GALNT1: variants seen among roughly 807,000 people sequenced by gnomAD.
GALNT1 encodes the protein GalNAc transferase 1.
In GALNT1, 17 loss-of-function variants were observed where a neutral mutation model predicts 65.7. The ratio of observed to expected loss-of-function variants is 0.26; its 90% CI spans 0.18 to 0.39. The LOEUF is 0.39. Ranked by LOEUF, GALNT1 falls within the 10% of genes least tolerant of loss-of-function variation. GALNT1 has a pLI of 1.00. For missense variants in GALNT1, 460 were observed against 672.8 expected, an observed-to-expected ratio of 0.68 and a Z score of 3.50; for synonymous variants, 210 against 219.7, an observed-to-expected ratio of 0.96 and a Z score of 0.39.
At chr18:35,675,643 C>T (rs2047701183) in intron 3 of GALNT1, among the ~76,000 whole-genome samples, 1 of 152,200 alleles carries the variant, frequency 6.6e-6, no homozygotes, top group Non-Finnish European at 1.5e-5. Flanking sequence ...ACATGGCTAA[C>T]AGTACCATTT....
intron 1 of GALNT1, among the ~76,000 whole-genome samples, chr18:35,620,811 C>A (rs571955018): frequency 7.3e-5 from 11 of 149,758 alleles, no homozygotes; most frequent in Non-Finnish European, 1.5e-4. Context: ...TATAAACAAT[C>A]CTGCAATCAT....
intron 2 of GALNT1, among the ~76,000 whole-genome samples, chr18:35,658,284 G>GGAGA (rs2047423468): frequency 6.6e-6 from 1 of 152,302 alleles, no homozygotes; most frequent in Non-Finnish European, 1.5e-5. Context: ...ACCAGACAGT[G>GGAGA]GAGAGGCTTT....
intron 9 of GALNT1, among the ~76,000 whole-genome samples, chr18:35,699,197 A>G (rs576207737): frequency 6.6e-6 from 1 of 151,976 alleles, no homozygotes; most frequent in South Asian, 2.1e-4. Context: ...TGGAATTATC[A>G]TAACATAATT....
At chr18:35,631,414 A>G (rs1201804212) in intron 1 of GALNT1, among the ~76,000 whole-genome samples, 5 of 152,232 alleles carry the variant, frequency 3.3e-5, no homozygotes, top group Admixed American at 6.5e-5. Flanking sequence ...ACGCAAATCA[A>G]TAAATGTAAT....
chr18:35,669,347 T>C (rs2047597227), intron 3 of GALNT1, among the ~76,000 whole-genome samples: 1 of 152,216 alleles, frequency 6.6e-6, no homozygotes, highest in Non-Finnish European at 1.5e-5. Flanking sequence ...ATATCAAACT[T>C]ATTTCATGAA....
chr18:35,709,436 T>TTCTCTCTC (rs58566456), intron 11 of GALNT1, among the ~76,000 whole-genome samples, 188 bp from the exon 12 acceptor site: 2,023 of 148,470 alleles, frequency 0.014, 43 homozygotes, highest in African/African-American at 0.045. Flanking sequence ...ATCTACCTAC[T>TTCTCTCTC]TCTCTCTCTC....
At chr18:35,671,836 C>T (rs1175121163) in intron 3 of GALNT1, among the ~76,000 whole-genome samples, 1 of 152,092 alleles carries the variant, frequency 6.6e-6, no homozygotes, top group Non-Finnish European at 1.5e-5. Context: ...ACATAGTATA[C>T]TTTTGATGTG....
At chr18:35,708,112 A>G (rs2048295875) in intron 11 of GALNT1, among the ~76,000 whole-genome samples, 1 of 152,170 alleles carries the variant, frequency 6.6e-6, no homozygotes, top group Admixed American at 6.5e-5. Flanking sequence ...TAGATGAGGA[A>G]ACTGGGTCTC....
At chr18:35,599,240 A>G (rs1421531977) in intron 1 of GALNT1, among the ~76,000 whole-genome samples, 2 of 151,940 alleles carry the variant, frequency 1.3e-5, no homozygotes, top group East Asian at 1.9e-4. Context: ...CCATTTGCCT[A>G]CATTTACCTT....
At chr18:35,708,518 G>A (rs2048303104) in intron 11 of GALNT1, among the ~76,000 whole-genome samples, 1 of 152,136 alleles carries the variant, frequency 6.6e-6, no homozygotes, top group Admixed American at 6.5e-5. Flanking sequence ...TCAGATAAAA[G>A]AACTACATTA....
rs1052394696 is a variant in GALNT1, at chr18:35,656,601, T to G, written c.139+1800T>G. 9.9e-5 allele frequency among the ~76,000 whole-genome samples: 15 copies of G among 152,140 alleles called. 1 individual carries two copies. The South Asian group carries it at 1.9e-3, about 19-fold the overall frequency. On this transcript the variant is annotated intron_variant, in intron 2 of 11. Transcript: ENST00000269195. ...AGATTAGCAAGTGAGAACGAGTTGA[T>G]AGGAGAACAAGAGCACAGGAGGTGG...
intron 1 of GALNT1, among the ~76,000 whole-genome samples, chr18:35,616,272 A>G (rs1228304093): frequency 6.6e-6 from 1 of 152,168 alleles, no homozygotes; most frequent in Non-Finnish European, 1.5e-5. Context: ...TGGCCTTGAC[A>G]TGTATAGTCT....
intron 1 of GALNT1, among the ~76,000 whole-genome samples, chr18:35,618,281 G>T (rs1249596740): frequency 3.3e-5 from 5 of 151,874 alleles, no homozygotes; most frequent in Non-Finnish European, 5.9e-5. Flanking sequence ...ATATTCTTTG[G>T]TATGTTTAGT....
chr18:35,635,867 TAA>T (rs2047082142), intron 1 of GALNT1, among the ~76,000 whole-genome samples: 1 of 152,156 alleles, frequency 6.6e-6, no homozygotes, highest in African/African-American at 2.4e-5. Flanking sequence ...AATATTAACT[TAA>T]AGACAGTTAT....
At chr18:35,646,060 C>T (rs1271944911) in intron 1 of GALNT1, among the ~76,000 whole-genome samples, 1 of 152,186 alleles carries the variant, frequency 6.6e-6, no homozygotes, top group Non-Finnish European at 1.5e-5. Flanking sequence ...AATTGACTCA[C>T]AGTTCCACGG....
chr18:35,606,998 T>A (rs552337529), intron 1 of GALNT1, among the ~76,000 whole-genome samples: 2 of 152,042 alleles, frequency 1.3e-5, no homozygotes, highest in African/African-American at 2.4e-5. Context: ...AAAGGTGCTC[T>A]TAGTTGGTCA....
At chr18:35,610,203 T>C (rs2046700255) in intron 1 of GALNT1, among the ~76,000 whole-genome samples, 1 of 152,054 alleles carries the variant, frequency 6.6e-6, no homozygotes, top group Non-Finnish European at 1.5e-5. Context: ...GGGAAAGAGG[T>C]GCAGAGTGGA....
intron 2 of GALNT1, among the ~76,000 whole-genome samples, chr18:35,659,331 C>G (rs1173166380): frequency 6.6e-6 from 1 of 152,108 alleles, no homozygotes; most frequent in Non-Finnish European, 1.5e-5. Flanking sequence ...CTTCTATTTA[C>G]TTGTTACTTG....
At chr18:35,655,760 T>C (rs915536956) in intron 2 of GALNT1, among the ~76,000 whole-genome samples, 1 of 152,170 alleles carries the variant, frequency 6.6e-6, no homozygotes, top group African/African-American at 2.4e-5. Flanking sequence ...AAAAAAAATA[T>C]TGATTTGTAT....
Sources: allele counts gnomAD v4.1 joint callset (sites outside exome capture counted in the v4.1 genomes callset), GRCh38; gene constraint gnomAD v4.1.1; transcripts MANE v1.5; gene names NCBI Gene and HGNC (gene_info 2026-07-23, HGNC 2026-07-21).